TBC1D24: variants seen among roughly 807,000 people sequenced by gnomAD.
TBC1D24 encodes the protein Infantile myoclonic epilepsy.
In TBC1D24, 47 loss-of-function variants were observed where a neutral mutation model predicts 50.7. That is an observed-to-expected ratio of 0.93 (90% CI 0.73 to 1.18). TBC1D24 has a LOEUF of 1.18. TBC1D24 is among the 50% of genes most tolerant of loss of function. The pLI, the probability that TBC1D24 is intolerant of heterozygous loss-of-function variation, is 0.00. For missense variants in TBC1D24, 688 were observed against 766.5 expected, an observed-to-expected ratio of 0.90 and a Z score of 1.21; for synonymous variants, 324 against 335.2, an observed-to-expected ratio of 0.97 and a Z score of 0.36.
At chr16:2,481,967 G>C (rs1213726890) in intron 1 of TBC1D24, 3 of 152,290 alleles carry the variant, frequency 2.0e-5, no homozygotes, top group African/African-American at 7.2e-5. Flanking sequence ...AAGTTCCCCA[G>C]TCAGCAGCTA....
chr16:2,477,418 A>C (rs1229599106), intron 1 of TBC1D24: 1 of 152,246 alleles, frequency 6.6e-6, no homozygotes, highest in Non-Finnish European at 1.5e-5. Context: ...ATAAAAAATT[A>C]GCCAAGTATG....
At position 2,486,490 on chromosome 16, in the gene TBC1D24, T is replaced by G. The variant is rs1242627087; in HGVS notation, c.-115-9544T>G. Among the ~76,000 whole-genome samples, 1 of 152,240 alleles carries G rather than the reference T, an allele frequency of 6.6e-6. No homozygotes were observed. Among genetic ancestry groups the G allele is most frequent in the Non-Finnish European group, 1.5e-5 (1 of 68,040 alleles). ...GCTTGTCAGCTGCTGGGACGGGGGC[T>G]GTTCTTGTGGCCAGGATGTGTGTGG... On this transcript the variant is annotated intron_variant, in intron 1 of 7. Transcript: ENST00000646147. The surrounding 1 kb of genome is among the most constrained non-coding windows in gnomAD (Gnocchi z 5.8).
intron 1 of TBC1D24, among the ~76,000 whole-genome samples, chr16:2,495,509 G>T (rs181991810): frequency 9.2e-5 from 14 of 151,750 alleles, no homozygotes; most frequent in African/African-American, 2.9e-4. Context: ...AGGCCAGGGC[G>T]GTGGCTCTCG....
rs1567411053 is a variant in TBC1D24, at chr16:2,496,279, G to A, written c.131G>A (p.Trp44Ter). The part of the protein sequence containing the change: ...ELKQLARQGY[W>*]AQSHALRGKV... ...AAGCAGCTGGCGCGCCAGGGCTACT[G>A]GGCCCAAAGCCACGCCCTGCGGGGA... Residue 44 changes from tryptophan to a stop codon, truncating the protein, a stop_gained, in exon 2 of 8, where the codon TGG becomes TAG. Transcript: ENST00000646147. LOFTEE classifies it high-confidence loss of function. 2 of 1,613,762 alleles carry A rather than the reference G, an allele frequency of 1.2e-6. No homozygotes were observed. Among genetic ancestry groups the A allele is most frequent in the Non-Finnish European group, 1.7e-6 (2 of 1,180,030 alleles).
At position 2,499,945 on chromosome 16, in the gene TBC1D24, G is replaced by C; in HGVS notation, c.1302+15G>C. The C allele has an allele frequency of 6.2e-7, 1 of 1,610,652 alleles. No homozygotes were observed. The highest frequency in any genetic ancestry group is 8.5e-7 in the Non-Finnish European group (1 of 1,176,964). Reference sequence around the variant, plus strand: ...TTGTGTTTAGGGTGAGTGGGGCCAAGTGTCCCCAAACCCCCACGCAGACCC... The same window carrying C: ...TTGTGTTTAGGGTGAGTGGGGCCAACTGTCCCCAAACCCCCACGCAGACCC... On this transcript the variant is annotated intron_variant, in intron 6 of 7. Coordinates refer to ENST00000646147, the MANE Select transcript of TBC1D24 (RefSeq NM_001199107.2). The surrounding 1 kb of genome is among the most constrained non-coding windows in gnomAD (Gnocchi z 4.0).
In TBC1D24 at chr16:2,500,100, G is replaced by C. The variant is rs1043092700; in HGVS notation, c.1303-168G>C. ...GATCATTCAGCCGTGCGCTGCTCCG[G>C]GGCAGGGGGCTTCATCTGCTCGAGC... On this transcript the variant is annotated intron_variant, in intron 6 of 7. Coordinates refer to ENST00000646147, the MANE Select transcript of TBC1D24 (RefSeq NM_001199107.2). This position sits in a 1 kb window ranked among gnomAD's most constrained non-coding sequence, Gnocchi z 8.0. Among the ~76,000 whole-genome samples the C allele has an allele frequency of 6.6e-6, 1 of 152,150 alleles. No individual in the cohort carries two copies. Among genetic ancestry groups the C allele is most frequent in the Non-Finnish European group, 1.5e-5 (1 of 68,010 alleles).
intron 1 of TBC1D24, chr16:2,493,596 G>A (rs2065714165): frequency 6.6e-6 from 1 of 152,210 alleles, no homozygotes; most frequent in African/African-American, 2.4e-5. Flanking sequence ...ATAATAGGTA[G>A]GTGAATGTTC....
At chr16:2,498,653 G>A (rs944367978) in intron 4 of TBC1D24, among the ~76,000 whole-genome samples, 1 of 152,238 alleles carries the variant, frequency 6.6e-6, no homozygotes, top group African/African-American at 2.4e-5. Context: ...CCACCTTGGA[G>A]CTCACAGCAT....
intron 1 of TBC1D24, among the ~76,000 whole-genome samples, chr16:2,490,562 C>T (rs2065687461): frequency 6.6e-6 from 1 of 152,222 alleles, no homozygotes; most frequent in Non-Finnish European, 1.5e-5. Context: ...GTGGGATAGA[C>T]TGTTCATGGG....
intron 1 of TBC1D24, chr16:2,481,480 A>T (rs538940399): frequency 1.3e-5 from 2 of 152,360 alleles, no homozygotes; most frequent in African/African-American, 4.8e-5. Flanking sequence ...TGAGAACCTG[A>T]TGTGTGCCTG....
At position 2,499,863 on chromosome 16, in the gene TBC1D24, G is replaced by A; in HGVS notation, c.1235G>A (p.Trp412Ter). 2 of 1,614,118 alleles carry A rather than the reference G, an allele frequency of 1.2e-6. No individual in the cohort carries two copies. Among genetic ancestry groups the A allele is most frequent in the Non-Finnish European group, 8.5e-7 (1 of 1,179,980 alleles). Residue 412 changes from tryptophan (W) to a stop codon, truncating the protein, a stop_gained, in exon 6 of 8, where the codon TGG becomes TAG. Transcript: ENST00000646147. LOFTEE classifies it high-confidence loss of function. This position sits in a 1 kb window ranked among gnomAD's most constrained non-coding sequence, Gnocchi z 4.0. ...TGTGGTGCTTACCTGTCCACAGACT[G>A]GAGTGAGAGAAATAAGTTTGGAGGC... ...EVCGAYLSTDWSERNKFGGKL... is the reference protein window; with the variant it reads ...EVCGAYLSTD
rs552884539 is a variant in TBC1D24, at chr16:2,495,819, G to A, written c.-115-215G>A. Among the ~76,000 whole-genome samples, 25 of 152,094 alleles carry A rather than the reference G, an allele frequency of 1.6e-4. No individual in the cohort carries two copies. Among genetic ancestry groups the A allele is most frequent in the South Asian group, 1.0e-3 (5 of 4,810 alleles). ...CTGGGCATGGTGGTGGACACCTGTC[G>A]TCCCAGCTACTCAGGAGGCTGAGGC... On this transcript the variant is annotated intron_variant, in intron 1 of 7. Coordinates refer to ENST00000646147, the MANE Select transcript of TBC1D24 (RefSeq NM_001199107.2).
Position 2,496,154 on chromosome 16 carries a change from C to T in TBC1D24, c.6C>T (p.Asp2=). The T allele has an allele frequency of 6.2e-7, 1 of 1,613,870 alleles. No homozygotes were observed. Among genetic ancestry groups the T allele is most frequent in the Non-Finnish European group, 8.5e-7 (1 of 1,180,032 alleles). M[D]SPGYNCFVDK... is the part of the protein sequence containing the mutation. The stretch of plus-strand genomic sequence containing the variant: ...CTCCCGAGCACAGCGGCGCTATGGA[C>T]TCTCCAGGATACAACTGCTTCGTGG... Residue 2 remains aspartate (D), a synonymous_variant, in exon 2 of 8, where the codon GAC becomes GAT. Coordinates refer to ENST00000646147, the MANE Select transcript of TBC1D24 (RefSeq NM_001199107.2).
rs920916786 is a variant in TBC1D24 at position 2,505,280 on chromosome 16, G to A, written c.*4322G>A. 6.6e-6 allele frequency: 1 copy of A among 152,142 alleles called. No individual in the cohort carries two copies. Among genetic ancestry groups the A allele is most frequent in the African/African-American group, 2.4e-5 (1 of 41,418 alleles). The allele number at this position is 152,142 out of a possible 1,614,324, so 9.4% of individuals were successfully genotyped here. ...TAGGTACAATGTAATGTGATTCATT[G>A]CTAAAAACAAAATGCCTCCCACAAT... is the stretch of plus-strand genomic sequence containing the variant. On this transcript the variant is annotated 3_prime_UTR_variant, in exon 8 of 8. Transcript: ENST00000646147.
chr16:2,488,995 G>A (rs1292098847), intron 1 of TBC1D24, among the ~76,000 whole-genome samples: 26 of 151,072 alleles, frequency 1.7e-4, no homozygotes, highest in Admixed American at 5.3e-4. Flanking sequence ...ACTTGAACCC[G>A]GGAGGCAGAG....
At position 2,500,573 on chromosome 16, in the gene TBC1D24, G is replaced by A. The variant is rs2065784681; in HGVS notation, c.1525+83G>A. 1 of 1,443,824 alleles carries A rather than the reference G, an allele frequency of 6.9e-7. No individual in the cohort carries two copies. Among genetic ancestry groups the A allele is most frequent in the South Asian group, 1.3e-5 (1 of 78,216 alleles). The allele number at this position is 1,443,824 out of a possible 1,614,324, so 89.4% of individuals were successfully genotyped here. On this transcript the variant is annotated intron_variant, in intron 7 of 7. Transcript: ENST00000646147. The surrounding 1 kb of genome is among the most constrained non-coding windows in gnomAD (Gnocchi z 8.0). ...TGCTGCACCCAGCCCTCCCTGACCG[G>A]GGTGGCAGAGAAGAGGCCCTGGGTG...
At chr16:2,491,499 C>T (rs1301405367) in intron 1 of TBC1D24, among the ~76,000 whole-genome samples, 2 of 151,934 alleles carry the variant, frequency 1.3e-5, no homozygotes, top group Non-Finnish European at 2.9e-5. Flanking sequence ...GGTGATCCTC[C>T]CACCTTAACC....
At chr16:2,490,150 G>A (rs533705576) in intron 1 of TBC1D24, among the ~76,000 whole-genome samples, 1 of 152,160 alleles carries the variant, frequency 6.6e-6, no homozygotes, top group Non-Finnish European at 1.5e-5. Flanking sequence ...CCAGACCCAC[G>A]GTGTGGACCC....
chr16:2,481,170 G>C (rs1239554641), intron 1 of TBC1D24: 1 of 152,302 alleles, frequency 6.6e-6, no homozygotes, highest in African/African-American at 2.4e-5. Flanking sequence ...CCCGGGCTGG[G>C]GTGGGGCCAT....
Sources: gnomAD v4.1 joint callset for allele counts (sites outside exome capture counted in the v4.1 genomes callset) on GRCh38, gnomAD v4.1.1 for gene constraint, Gnocchi (gnomAD v3.1) non-coding constraint, MANE v1.5 for transcripts, NCBI Gene and HGNC (gene_info 2026-07-23, HGNC 2026-07-21) for gene names.